The following RBFOX1 variants were observed in gnomAD, a reference collection of about 807,000 sequenced individuals.
RBFOX1 encodes the protein RNA binding protein fox-1 homolog 1.
RBFOX1 carries 8 observed loss-of-function variants against 57.7 expected under a neutral mutation model. The ratio of observed to expected loss-of-function variants is 0.14; its 90% CI spans 0.08 to 0.25. The LOEUF is 0.25. Among genes scored for constraint, RBFOX1 ranks in the 10% least tolerant of loss-of-function variants. The probability of loss-of-function intolerance (pLI) is 1.00; values close to 1 mark genes in which losing one functional copy is unlikely to be tolerated. For missense variants in RBFOX1, 611 were observed against 548.5 expected (o/e 1.11, Z -1.14); for synonymous variants, 326 against 222.4 (o/e 1.47, Z -4.15).
At chr16:6,250,331 G>T (rs2097598895) in intron 1 of RBFOX1, among the ~76,000 whole-genome samples, 1 of 152,102 alleles carries the variant, frequency 6.6e-6, no homozygotes, top group African/African-American at 2.4e-5. Context: ...AATTTTGCAA[G>T]CCCATATTAT....
chr16:6,080,190 C>T (rs988632287), intron 1 of RBFOX1, among the ~76,000 whole-genome samples: 3 of 152,100 alleles, frequency 2.0e-5, no homozygotes, highest in African/African-American at 7.2e-5. Context: ...TTTGCCATCC[C>T]AATCTTCCCT....
chr16:5,412,042 C>T (rs532073128), intron 1 of RBFOX1, among the ~76,000 whole-genome samples: 114 of 152,216 alleles, frequency 7.5e-4, no homozygotes, highest in Middle Eastern at 3.4e-3. Context: ...CTTTGAGTAC[C>T]ATTTGCCACC....
intron 1 of RBFOX1, among the ~76,000 whole-genome samples, chr16:6,240,733 A>G (rs1483170421): frequency 1.3e-5 from 2 of 152,064 alleles, no homozygotes; most frequent in African/African-American, 4.8e-5. Flanking sequence ...TTTGCAGAAC[A>G]CTGACGTCTT....
intron 1 of RBFOX1, among the ~76,000 whole-genome samples, chr16:6,028,526 A>AAAG (rs1199669145): frequency 6.6e-6 from 1 of 150,972 alleles, no homozygotes; most frequent in Admixed American, 6.6e-5. Context: ...AAAAAAAAAA[A>AAAG]AAAAAAAATT....
chr16:5,607,882 T>C (rs1049217353), intron 3 of RBFOX1, among the ~76,000 whole-genome samples: 3 of 152,220 alleles, frequency 2.0e-5, no homozygotes, highest in Non-Finnish European at 2.9e-5. Context: ...TTTTAATGGC[T>C]GGACAGGATT....
chr16:6,298,042 G>A (rs763449367), intron 1 of RBFOX1, among the ~76,000 whole-genome samples: 1 of 152,232 alleles, frequency 6.6e-6, no homozygotes, highest in Non-Finnish European at 1.5e-5. Flanking sequence ...CTCTGCATTT[G>A]CAAATAGGCA....
intron 1 of RBFOX1, among the ~76,000 whole-genome samples, chr16:6,106,517 G>C (rs1459252177): frequency 6.8e-6 from 1 of 146,702 alleles, no homozygotes; most frequent in Non-Finnish European, 1.5e-5. Context: ...ATAAAGAATA[G>C]TACTGCGTTA....
chr16:7,684,362 T>G (rs1042057790), intron 14 of RBFOX1, among the ~76,000 whole-genome samples: 4 of 152,052 alleles, frequency 2.6e-5, no homozygotes, highest in Non-Finnish European at 5.9e-5. Context: ...TGGGAGTCTG[T>G]GGGGCAAAAA....
intron 2 of RBFOX1, among the ~76,000 whole-genome samples, chr16:5,530,154 C>G (rs2044408943): frequency 6.6e-6 from 1 of 152,130 alleles, no homozygotes; most frequent in Non-Finnish European, 1.5e-5. Flanking sequence ...CCCTTAGAGC[C>G]TGAGAGCTCT....
intron 4 of RBFOX1, among the ~76,000 whole-genome samples, chr16:7,515,990 A>G (rs1454624949): frequency 6.6e-6 from 1 of 152,072 alleles, no homozygotes; most frequent in Admixed American, 6.5e-5. Flanking sequence ...GATTACAGGC[A>G]TGTGCCACCA....
chr16:7,585,603 T>G (rs1490565404), intron 6 of RBFOX1, among the ~76,000 whole-genome samples: 1 of 152,222 alleles, frequency 6.6e-6, no homozygotes, highest in Non-Finnish European at 1.5e-5. Flanking sequence ...ACGGGCACAT[T>G]TCTATGGCAC....
At chr16:7,072,420 T>C (rs908967168) in intron 4 of RBFOX1, among the ~76,000 whole-genome samples, 3 of 152,228 alleles carry the variant, frequency 2.0e-5, no homozygotes, top group African/African-American at 7.2e-5. Flanking sequence ...TTACTCCCTT[T>C]AGATTGACTC....
At chr16:7,342,760 C>T (rs1261209008) in intron 4 of RBFOX1, among the ~76,000 whole-genome samples, 3 of 151,976 alleles carry the variant, frequency 2.0e-5, no homozygotes, top group Non-Finnish European at 4.4e-5. Context: ...TGTGAAACCA[C>T]CATCCTCTTT....
intron 2 of RBFOX1, among the ~76,000 whole-genome samples, chr16:6,454,723 G>C (rs1170838677): frequency 1.3e-5 from 2 of 152,018 alleles, no homozygotes; most frequent in Admixed American, 6.5e-5. Context: ...AAATGTCTTT[G>C]TCTGTGGTTC....
intron 3 of RBFOX1, among the ~76,000 whole-genome samples, chr16:6,812,452 C>A (rs1307875905): frequency 6.6e-6 from 1 of 152,132 alleles, no homozygotes; most frequent in Non-Finnish European, 1.5e-5. Context: ...CGGCTCATTG[C>A]AACCTCCACC....
intron 1 of RBFOX1, among the ~76,000 whole-genome samples, chr16:6,101,439 G>T (rs1184449646): frequency 6.6e-6 from 1 of 152,106 alleles, no homozygotes; most frequent in Non-Finnish European, 1.5e-5. Context: ...ATTTATTTGG[G>T]TGTGATGGTT....
chr16:6,896,108 A>G (rs1053193051), intron 3 of RBFOX1, among the ~76,000 whole-genome samples: 1 of 152,116 alleles, frequency 6.6e-6, no homozygotes, highest in African/African-American at 2.4e-5. Context: ...CCCCATCTCT[A>G]TTAAAACTAC....
intron 5 of RBFOX1, among the ~76,000 whole-genome samples, chr16:7,528,589 C>A (rs1449024689): frequency 6.6e-6 from 1 of 152,164 alleles, no homozygotes; most frequent in African/African-American, 2.4e-5. Context: ...AGTGATCCTC[C>A]TGCCTCAATA....
chr16:5,991,346 C>T (rs1443414329), intron 4 of RBFOX1, among the ~76,000 whole-genome samples: 2 of 152,132 alleles, frequency 1.3e-5, no homozygotes, highest in Non-Finnish European at 2.9e-5. Context: ...CCCTTGCAAA[C>T]GGGTAGCTAC....
Sources: gnomAD v4.1 joint callset for allele counts (sites outside exome capture counted in the v4.1 genomes callset) on GRCh38, gnomAD v4.1.1 for gene constraint, MANE v1.5 for transcripts, NCBI Gene and HGNC (gene_info 2026-07-23, HGNC 2026-07-21) for gene names.